The following KCNMB2 variants were observed in gnomAD, a reference collection of about 807,000 sequenced individuals.
KCNMB2 encodes the protein calcium-activated potassium channel subunit beta-2.
Under a neutral mutation model 24.5 loss-of-function variants are expected in KCNMB2, and 9 were observed. The observed-to-expected ratio is 0.37, with a 90% CI of 0.22 to 0.64. The LOEUF is 0.64. Among genes scored for constraint, KCNMB2 ranks in the 30% least tolerant of loss-of-function variants. The pLI is 0.63. For missense variants in KCNMB2, 226 were observed against 284.3 expected (o/e 0.79, Z 1.47); for synonymous variants, 109 against 104.4 (o/e 1.04, Z -0.27).
chr3:178,603,015 G>A (rs994090885), intron 1 of KCNMB2, among the ~76,000 whole-genome samples: 2 of 152,194 alleles, frequency 1.3e-5, no homozygotes, highest in African/African-American at 4.8e-5. Flanking sequence ...CAGCCTGGAT[G>A]AGTAACGTGG....
chr3:178,581,815 A>T (rs1717218071), intron 1 of KCNMB2, among the ~76,000 whole-genome samples: 2 of 152,256 alleles, frequency 1.3e-5, no homozygotes. Flanking sequence ...AACCACAATG[A>T]GATACCATCT....
chr3:178,766,358 TA>T (rs1191199335), intron 1 of KCNMB2, among the ~76,000 whole-genome samples: 1 of 152,066 alleles, frequency 6.6e-6, no homozygotes, highest in African/African-American at 2.4e-5. Flanking sequence ...TACACCTGGT[TA>T]TTTTTTTATT....
At chr3:178,685,735 C>T (rs954196672) in intron 1 of KCNMB2, among the ~76,000 whole-genome samples, 1 of 152,058 alleles carries the variant, frequency 6.6e-6, no homozygotes, top group Non-Finnish European at 1.5e-5. Context: ...AACGTTCCCA[C>T]AGCCTAGCAG....
At chr3:178,629,005 C>T (rs1187434772) in intron 1 of KCNMB2, among the ~76,000 whole-genome samples, 3 of 152,112 alleles carry the variant, frequency 2.0e-5, no homozygotes, top group Non-Finnish European at 2.9e-5. Flanking sequence ...TTAACTGAAG[C>T]AAATTTAACT....
At chr3:178,566,318 T>A (rs1577014542) in intron 1 of KCNMB2, among the ~76,000 whole-genome samples, 1 of 152,234 alleles carries the variant, frequency 6.6e-6, no homozygotes, top group African/African-American at 2.4e-5. Context: ...TATTAGATAC[T>A]TTTAGAGGTA....
intron 1 of KCNMB2, among the ~76,000 whole-genome samples, chr3:178,613,708 T>C (rs958598899): frequency 6.6e-6 from 1 of 152,186 alleles, no homozygotes; most frequent in African/African-American, 2.4e-5. Context: ...TGGAGCTCCA[T>C]TATATGTTAT....
intron 1 of KCNMB2, among the ~76,000 whole-genome samples, chr3:178,741,584 A>G (rs1723497897): frequency 6.6e-6 from 1 of 152,006 alleles, no homozygotes; most frequent in South Asian, 2.1e-4. Context: ...TCTCCCCACA[A>G]TCCTTTTCCT....
chr3:178,565,178 G>A (rs77763475), intron 1 of KCNMB2, among the ~76,000 whole-genome samples: 3,293 of 152,218 alleles, frequency 0.022, 111 homozygotes, highest in African/African-American at 0.076. Flanking sequence ...TCTAGAGAAT[G>A]AGACGAAGGG....
intron 1 of KCNMB2, among the ~76,000 whole-genome samples, chr3:178,606,768 T>C (rs1402552926): frequency 1.3e-5 from 2 of 152,142 alleles, no homozygotes; most frequent in African/African-American, 4.8e-5. Context: ...TATGATGGTA[T>C]TAAGAGGTAA....
At chr3:178,674,107 C>T (rs1410284798) in intron 1 of KCNMB2, among the ~76,000 whole-genome samples, 2 of 152,084 alleles carry the variant, frequency 1.3e-5, no homozygotes, top group Non-Finnish European at 1.5e-5. Flanking sequence ...TTCCAGAATG[C>T]CATGATCTTC....
At chr3:178,539,606 T>C (rs1715545930) in intron 1 of KCNMB2, among the ~76,000 whole-genome samples, 1 of 152,132 alleles carries the variant, frequency 6.6e-6, no homozygotes, top group African/African-American at 2.4e-5. Context: ...GCCATTCCAT[T>C]GTCAAATCCT....
intron 1 of KCNMB2, among the ~76,000 whole-genome samples, chr3:178,754,704 C>T (rs566531959): frequency 9.9e-5 from 15 of 152,246 alleles, no homozygotes; most frequent in African/African-American, 3.6e-4. Context: ...ATAGATGATA[C>T]TTTGCTGTAA....
At chr3:178,681,283 C>T (rs1477984404) in intron 1 of KCNMB2, among the ~76,000 whole-genome samples, 1 of 152,230 alleles carries the variant, frequency 6.6e-6, no homozygotes, top group East Asian at 1.9e-4. Flanking sequence ...ACAATACCAA[C>T]TTTACAGGAT....
chr3:178,742,247 A>G (rs1281678296), intron 1 of KCNMB2, among the ~76,000 whole-genome samples: 1 of 152,200 alleles, frequency 6.6e-6, no homozygotes, highest in Non-Finnish European at 1.5e-5. Context: ...ACTCACATTC[A>G]TAAAACCTCT....
intron 1 of KCNMB2, among the ~76,000 whole-genome samples, chr3:178,610,951 G>T (rs934950144): frequency 1.3e-5 from 2 of 152,058 alleles, no homozygotes; most frequent in Non-Finnish European, 2.9e-5. Flanking sequence ...GTGATGTTGA[G>T]GTGTTTTTTT....
At chr3:178,590,166 CCTCTTATCCTCCTTCCTTCTCT>C (rs1450408434) in intron 1 of KCNMB2, among the ~76,000 whole-genome samples, 2 of 152,264 alleles carry the variant, frequency 1.3e-5, no homozygotes, top group East Asian at 3.9e-4. Context: ...TCATCTTCTT[CCTCTTATCCTCCTTCCTTCTCT>C]CTCTTATTTA....
At chr3:178,628,404 A>T (rs1441501940) in intron 1 of KCNMB2, among the ~76,000 whole-genome samples, 1 of 152,218 alleles carries the variant, frequency 6.6e-6, no homozygotes, top group African/African-American at 2.4e-5. Context: ...CATTTAACTT[A>T]TCATTTTACT....
Position 178,807,469 on chromosome 3 carries a change from A to G in KCNMB2, c.56+4A>G, listed in dbSNP as rs774575593. 2.2e-5 allele frequency: 36 copies of G among 1,612,786 alleles called. No individual in the cohort carries two copies. The Admixed American group carries it at 3.2e-4, about 14-fold the overall frequency. The stretch of plus-strand genomic sequence containing the variant: ...CTTATAGACATGATGAAAAAAGGTA[A>G]ATGCACTGGGATTCTGGGCACTTTT... On this transcript the variant is annotated splice_donor_region_variant and intron_variant, in intron 2 of 4. Coordinates refer to ENST00000452583, the MANE Select transcript of KCNMB2 (RefSeq NM_181361.3).
At chr3:178,589,692 G>A (rs1379562916) in intron 1 of KCNMB2, among the ~76,000 whole-genome samples, 4 of 152,068 alleles carry the variant, frequency 2.6e-5, no homozygotes, top group South Asian at 2.1e-4. Context: ...TGTTGCCTAC[G>A]CTGGTCTCAA....
Sources: allele counts gnomAD v4.1 joint callset (sites outside exome capture counted in the v4.1 genomes callset), GRCh38; gene constraint gnomAD v4.1.1; transcripts MANE v1.5; gene names NCBI Gene and HGNC (gene_info 2026-07-23, HGNC 2026-07-21).